MACF1: variants seen among roughly 807,000 people sequenced by gnomAD.
MACF1 encodes the protein microtubule-actin cross-linking factor 1.
In MACF1, 193 loss-of-function variants were observed where a neutral mutation model predicts 854.8. The ratio of observed to expected loss-of-function variants is 0.23; its 90% CI spans 0.20 to 0.25. MACF1 has a LOEUF of 0.25. Among genes scored for constraint, MACF1 ranks in the 10% least tolerant of loss-of-function variants. MACF1 has a pLI of 1.00. For missense variants in MACF1, 7,722 were observed against 8,929.1 expected (o/e 0.86, Z 5.45); for synonymous variants, 3,185 against 3,226.7 (o/e 0.99, Z 0.44).
At chr1:39,115,327 C>T (rs1292333084) in intron 2 of MACF1, among the ~76,000 whole-genome samples, 1 of 151,922 alleles carries the variant, frequency 6.6e-6, no homozygotes, top group Non-Finnish European at 1.5e-5. Flanking sequence ...GCAGGCAAAT[C>T]AAGAAATGTG....
intron 2 of MACF1, among the ~76,000 whole-genome samples, chr1:39,185,960 C>G (rs762438811): frequency 2.6e-5 from 4 of 152,100 alleles, no homozygotes; most frequent in Non-Finnish European, 5.9e-5. Flanking sequence ...GATGCTGTTT[C>G]AGAAGTCACC....
In MACF1 at chr1:39,335,911, G is replaced by A. The variant is rs1480539914; in HGVS notation, c.9323G>A (p.Arg3108Lys). ...QSEPFPCMTP[R>K]PEGLHYQESD... Reference sequence around the variant, plus strand: ...GAACCATTCCCTTGTATGACCCCAAGACCTGAAGGATTGCACTACCAGGAA... The same window carrying A: ...GAACCATTCCCTTGTATGACCCCAAAACCTGAAGGATTGCACTACCAGGAA... The change falls in exon 37 of 101, where the codon AGA becomes AAA. Residue 3108 changes from arginine (R) to lysine (K), a missense_variant. Around this residue, in one of 15 missense-constraint regions of MACF1, gnomAD observed 854 missense variants for 852.6 expected, o/e 1.00. Coordinates refer to ENST00000564288, the MANE Select transcript of MACF1 (RefSeq NM_001394062.1). 1 of 1,613,912 alleles carries A rather than the reference G, an allele frequency of 6.2e-7. No homozygotes were observed. The highest frequency in any genetic ancestry group is 1.3e-5 in the African/African-American group (1 of 74,848).
chr1:39,443,713 G>A, intron 79 of MACF1, 139 bp downstream of exon 79: 1 of 941,524 alleles, frequency 1.1e-6, no homozygotes, highest in Non-Finnish European at 1.5e-6. Flanking sequence ...AACCTTTGGG[G>A]ATTGCTGCCT....
chr1:39,165,608 C>G (rs1643874326), intron 2 of MACF1, among the ~76,000 whole-genome samples: 1 of 152,116 alleles, frequency 6.6e-6, no homozygotes, highest in Non-Finnish European at 1.5e-5. Flanking sequence ...TCCCCTCATC[C>G]TTGATTTTGT....
chr1:39,347,010 C>T lies in MACF1; in HGVS notation c.10615C>T (p.Gln3539Ter). ...LKQPMAERKA[Q>*]LDALAFDIQF... ...ACAGCCCATGGCTGAAAGGAAAGCTCAGCTGGATGCTCTTGCTTTTGATAT... is the reference window on the plus strand; with the variant it reads ...ACAGCCCATGGCTGAAAGGAAAGCTTAGCTGGATGCTCTTGCTTTTGATAT... Residue 3539 changes from glutamine to a stop codon, truncating the protein, a stop_gained, in exon 41 of 101, where the codon CAG (glutamine) becomes TAG (stop). Transcript: ENST00000564288. LOFTEE classifies it high-confidence loss of function. The T allele has an allele frequency of 6.2e-7, 1 of 1,613,746 alleles. No homozygotes were observed.
Position 39,428,020 on chromosome 1 carries a change from G to C in MACF1, c.16536G>C (p.Gly5512=). The C allele has an allele frequency of 6.2e-7, 1 of 1,614,168 alleles. No homozygotes were observed. The highest frequency in any genetic ancestry group is 1.3e-5 in the African/African-American group (1 of 75,034). Residue 5512 remains glycine, a synonymous_variant, in exon 63 of 101, where the codon GGG becomes GGC. Coordinates refer to ENST00000564288, the MANE Select transcript of MACF1 (RefSeq NM_001394062.1). ...ATDVHQAVKI[G]QSLSSLTSPA... ...ATGTGCACCAGGCAGTCAAAATTGG[G>C]CAGTCCCTCTCCTCCCTGACATCTC...
At chr1:39,416,629 G>A (rs750018633) in intron 58 of MACF1, among the ~76,000 whole-genome samples, 3 of 152,192 alleles carry the variant, frequency 2.0e-5, no homozygotes, top group Non-Finnish European at 4.4e-5. Flanking sequence ...ATCAGTCTCT[G>A]GAATCCTTGT....
At chr1:39,469,472 A>G in intron 96 of MACF1, 75 bp from the exon 97 acceptor site, 1 of 1,132,398 alleles carries the variant, frequency 8.8e-7, no homozygotes, top group East Asian at 2.6e-5. Context: ...ACTGTCTGCC[A>G]ATTTGTCTTT....
chr1:39,324,102 T>C, intron 33 of MACF1, 91 bp from the exon 34 acceptor site: 1 of 1,342,034 alleles, frequency 7.5e-7, no homozygotes, highest in Admixed American at 2.5e-5. Flanking sequence ...CTGTATCTGT[T>C]TTTAGGAAGA....
Position 39,129,368 on chromosome 1 carries a change from T to G in MACF1, c.220+44930T>G, listed in dbSNP as rs143504886. Among the ~76,000 whole-genome samples, 256 of 152,264 alleles carry G rather than the reference T, an allele frequency of 1.7e-3. 2 individuals are homozygous for G. Among genetic ancestry groups the G allele is most frequent in the African/African-American group, 5.8e-3 (243 of 41,552 alleles). On this transcript the variant is annotated intron_variant, in intron 2 of 93. Transcript: ENST00000361689. ...GATATGGCTTTATTAAAAACATAAA[T>G]ATTAAAGGCTGGCGTATTGCAGAGA...
At chr1:39,319,896 C>T in intron 31 of MACF1, 149 bp downstream of exon 31, 1 of 577,262 alleles carries the variant, frequency 1.7e-6, no homozygotes, top group Non-Finnish European at 3.0e-6. Flanking sequence ...ATGTGTATTT[C>T]CTGCAACCCC....
Position 39,231,204 on chromosome 1 carries a change from G to C in MACF1, c.132G>C (p.Lys44Asn). 3 of 1,614,198 alleles carry C rather than the reference G, an allele frequency of 1.9e-6. No homozygotes were observed. The highest frequency in any genetic ancestry group is 2.5e-6 in the Non-Finnish European group (3 of 1,180,030). ...CAGATGAACGGGACCGGGTTCAGAA[G>C]AAAACGTTCACCAAGTGGGTCAACA... is the stretch of plus-strand genomic sequence containing the variant. ...GRADERDRVQKKTFTKWVNKH... is the reference protein window; with the variant it reads ...GRADERDRVQNKTFTKWVNKH... The change falls in exon 2 of 101, where the codon AAG becomes AAC. Residue 44 changes from lysine to asparagine, a missense_variant. Lys to Asn is a moderately conservative substitution (Grantham distance 94). This residue lies in a region of MACF1 where 6 missense variants were observed against 23.7 expected (regional missense o/e 0.25). Coordinates refer to ENST00000564288, the MANE Select transcript of MACF1 (RefSeq NM_001394062.1).
chr1:39,190,277 C>T (rs1421159842), intron 2 of MACF1, among the ~76,000 whole-genome samples: 2 of 151,676 alleles, frequency 1.3e-5, no homozygotes, highest in African/African-American at 4.8e-5. Context: ...CTGCCTCTCT[C>T]TCTTCTTTCT....
rs1646766512 is a variant in MACF1, at chr1:39,333,729, CTG to C, written c.7144_7145del (p.Cys2382LeufsTer12). The C allele has an allele frequency of 1.2e-6, 2 of 1,614,190 alleles. No homozygotes were observed. Among genetic ancestry groups the C allele is most frequent in the Non-Finnish European group, 8.5e-7 (1 of 1,180,036 alleles). On this transcript the variant is annotated frameshift_variant, in exon 37 of 101. Transcript: ENST00000564288. LOFTEE classifies it high-confidence loss of function. ...SGVLDPRTQT[L>X]CSVKDAVTVG... ...TGTCTTAGACCCCCGTACCCAGACA[CTG>C]TGCTCTGTAAAGGATGCAGTTACAG... is the stretch of plus-strand genomic sequence containing the variant.
At chr1:39,291,597 C>T (rs538114222) in intron 15 of MACF1, among the ~76,000 whole-genome samples, 29 of 152,308 alleles carry the variant, frequency 1.9e-4, no homozygotes, top group African/African-American at 7.0e-4. Context: ...AGAGAAATGC[C>T]TAAACTGTAA....
chr1:39,123,348 C>T lies in MACF1; in HGVS notation c.220+38910C>T, dbSNP rs377632040. Among the ~76,000 whole-genome samples the T allele has an allele frequency of 4.0e-5, 6 of 150,652 alleles. No homozygotes were observed. In the South Asian group the frequency reaches 8.4e-4, roughly 21 times the overall value. On this transcript the variant is annotated intron_variant, in intron 2 of 93. Coordinates refer to the MACF1 transcript ENST00000361689. ...TCAGCCTCCTGAGTAGCTGTGACCA[C>T]AGGTGCATGCCATCACACCCGGCTA...
intron 31 of MACF1, among the ~76,000 whole-genome samples, chr1:39,321,685 T>C (rs74066742): frequency 0.031 from 4,777 of 152,298 alleles, 237 homozygotes; most frequent in African/African-American, 0.11. Context: ...CTATTCTTGC[T>C]TCTCAAAGTG....
rs1644106495 is a variant in MACF1, at chr1:39,441,108, A to C, written c.18553A>C (p.Arg6185=). ...ACGETEKPEV[R]KSIDEMNNAW... is the part of the protein sequence containing the mutation. Reference sequence around the variant, plus strand: ...TGGAGAAACTGAGAAGCCTGAAGTGAGGAAGAGCATTGATGAGGTGTGGAG... The same window carrying C: ...TGGAGAAACTGAGAAGCCTGAAGTGCGGAAGAGCATTGATGAGGTGTGGAG... The change falls in exon 73 of 101, where the codon AGG becomes CGG. Residue 6185 remains arginine (R), a synonymous_variant. Transcript: ENST00000564288. 6.2e-7 allele frequency: 1 copy of C among 1,614,204 alleles called. No individual in the cohort carries two copies. Among genetic ancestry groups the C allele is most frequent in the Non-Finnish European group, 8.5e-7 (1 of 1,180,036 alleles).
chr1:39,309,529 A>G, intron 23 of MACF1, 41 bp from the exon 24 acceptor site: 2 of 1,611,410 alleles, frequency 1.2e-6, no homozygotes, highest in Middle Eastern at 3.3e-4. Flanking sequence ...GTGGAGCTGA[A>G]GTCTTACAAA....
Sources: gnomAD v4.1 joint callset for allele counts (sites outside exome capture counted in the v4.1 genomes callset) on GRCh38, gnomAD v4.1.1 for gene constraint, gnomAD v4.1.1 regional missense constraint, MANE v1.5 for transcripts, NCBI Gene and HGNC (gene_info 2026-07-23, HGNC 2026-07-21) for gene names.